Variants in PRXL2C observed in about 807,000 individuals in gnomAD.
The protein encoded by PRXL2C is peroxiredoxin like 2C.
Under a neutral mutation model 24.9 loss-of-function variants are expected in PRXL2C, and 38 were observed. The ratio of observed to expected loss-of-function variants is 1.53; its 90% CI spans 1.18 to 2.00. PRXL2C has a LOEUF of 2.00. Among genes scored for constraint, PRXL2C ranks in the 30% most tolerant of loss-of-function variants. The pLI, the probability that PRXL2C is intolerant of heterozygous loss-of-function variation, is 0.00. For synonymous variants in PRXL2C, 98 were observed against 117.2 expected (o/e 0.84, Z 1.06); for missense variants, 294 against 290.9 (o/e 1.01, Z -0.08).
At chr9:96,651,272 C>T in intron 4 of PRXL2C, 118 bp downstream of exon 4, 2 of 720,156 alleles carry the variant, frequency 2.8e-6, no homozygotes, top group Non-Finnish European at 4.6e-6. Context: ...AGTGAGACTC[C>T]ATCTCAAAAA....
At chr9:96,654,637 G>A (rs1390598402) in intron 2 of PRXL2C, 68 bp downstream of exon 2, 3 of 1,447,536 alleles carry the variant, frequency 2.1e-6, no homozygotes, top group Non-Finnish European at 2.8e-6. Context: ...CTGGAGCCGC[G>A]TCCTCCCCCG....
intron 2 of PRXL2C, among the ~76,000 whole-genome samples, chr9:96,653,863 C>T (rs1374192164): frequency 6.7e-6 from 1 of 150,004 alleles, no homozygotes; most frequent in Admixed American, 6.7e-5. Flanking sequence ...CTTTTTTAGA[C>T]GGAGTCTTAC....
chr9:96,654,680 G>A, intron 2 of PRXL2C, 25 bp downstream of exon 2: 1 of 1,551,950 alleles, frequency 6.4e-7, no homozygotes, highest in Non-Finnish European at 8.7e-7. Flanking sequence ...AGCGGGCACT[G>A]GGCCGCCCAC....
chr9:96,644,289 GGT>G (rs1446965326), intron 5 of PRXL2C, among the ~76,000 whole-genome samples: 1 of 151,978 alleles, frequency 6.6e-6, no homozygotes, highest in Non-Finnish European at 1.5e-5. Context: ...GTCTGATAAG[GGT>G]GTTTGTCCTT....
At position 96,651,487 on chromosome 9, in the gene PRXL2C, GC is replaced by G; in HGVS notation, c.323del (p.Cys108SerfsTer3). The G allele has an allele frequency of 6.2e-7, 1 of 1,608,546 alleles. No individual in the cohort carries two copies. The highest frequency in any genetic ancestry group is 8.5e-7 in the Non-Finnish European group (1 of 1,178,344). On this transcript the variant is annotated frameshift_variant, in exon 4 of 6. Transcript: ENST00000375234. LOFTEE classifies it high-confidence loss of function. ...TTTCATGAGAATATCCAGTCAGCTT[GC>G]AAAAAGGCTGAAAAGAGAGAATGGT... ...QSSYHHIEPF[C>X]KLTGYSHEIY...
chr9:96,647,794 C>T (rs979661141), intron 4 of PRXL2C, among the ~76,000 whole-genome samples: 2 of 152,096 alleles, frequency 1.3e-5, no homozygotes, highest in Non-Finnish European at 2.9e-5. Context: ...TCCCAAAGTG[C>T]TGGGATTACA....
At chr9:96,649,619 T>C (rs1315208714) in intron 4 of PRXL2C, among the ~76,000 whole-genome samples, 1 of 151,484 alleles carries the variant, frequency 6.6e-6, no homozygotes, top group Non-Finnish European at 1.5e-5. Context: ...TCAGCAACTC[T>C]GCCTCACAAA....
At chr9:96,654,299 T>C (rs764601517) in intron 2 of PRXL2C, among the ~76,000 whole-genome samples, 14 of 152,240 alleles carry the variant, frequency 9.2e-5, no homozygotes, top group Non-Finnish European at 1.6e-4. Flanking sequence ...TGGTTTGTCC[T>C]AGGGACATGG....
chr9:96,644,250 C>A (rs28628890), intron 5 of PRXL2C, among the ~76,000 whole-genome samples: 2,612 of 151,820 alleles, frequency 0.017, 62 homozygotes, highest in African/African-American at 0.059. Context: ...GATGGTCTTA[C>A]AACATAGTGA....
intron 5 of PRXL2C, among the ~76,000 whole-genome samples, chr9:96,642,723 T>C (rs1363555722): frequency 1.3e-5 from 2 of 151,988 alleles, no homozygotes; most frequent in East Asian, 3.9e-4. Context: ...TTTTTGTATT[T>C]TGAGTAGAGA....
intron 2 of PRXL2C, 96 bp downstream of exon 2, chr9:96,654,609 C>T: frequency 8.8e-7 from 1 of 1,141,230 alleles, no homozygotes; most frequent in Non-Finnish European, 1.3e-6. Flanking sequence ...AGGGGCAATC[C>T]AGGCTGCAAG....
intron 2 of PRXL2C, among the ~76,000 whole-genome samples, chr9:96,652,543 T>G: frequency 1.4e-5 from 2 of 139,462 alleles, no homozygotes; most frequent in African/African-American, 5.3e-5. Flanking sequence ...AAAAAAGAAA[T>G]AGCCAAGAGA....
Position 96,641,719 on chromosome 9 carries a change from T to C in PRXL2C, c.*40A>G, listed in dbSNP as rs1461660843. The C allele has an allele frequency of 6.6e-7, 1 of 1,521,826 alleles. No individual in the cohort carries two copies. The highest frequency in any genetic ancestry group is 1.8e-5 in the Admixed American group (1 of 56,680). The allele number at this position is 1,521,826 out of a possible 1,614,324, so 94.3% of individuals were successfully genotyped here. On this transcript the variant is annotated 3_prime_UTR_variant, in exon 6 of 6. Coordinates refer to ENST00000375234, the MANE Select transcript of PRXL2C (RefSeq NM_153698.2). ...TACACCCAGGCATTGAAGGTCACATTCCAGAAGGTCCAGTTGAAAGTGACT... is the reference window on the plus strand; with the variant it reads ...TACACCCAGGCATTGAAGGTCACATCCCAGAAGGTCCAGTTGAAAGTGACT...
intron 4 of PRXL2C, among the ~76,000 whole-genome samples, chr9:96,648,437 T>C (rs1266639176): frequency 1.3e-5 from 2 of 152,014 alleles, no homozygotes; most frequent in Admixed American, 6.6e-5. Context: ...TTTATTAAAA[T>C]AGGCACCATT....
chr9:96,654,973 G>A, intron 1 of PRXL2C, 117 bp downstream of exon 1: 1 of 1,285,286 alleles, frequency 7.8e-7, no homozygotes, highest in Non-Finnish European at 1.0e-6. Context: ...AAGCGGCCGC[G>A]ACTGGGCAGG....
chr9:96,646,948 G>A (rs1279001414), intron 4 of PRXL2C, among the ~76,000 whole-genome samples: 16 of 152,180 alleles, frequency 1.1e-4, no homozygotes, highest in South Asian at 2.1e-4. Flanking sequence ...GTGCCACCAC[G>A]CCCGGCTAGT....
At position 96,651,497 on chromosome 9, in the gene PRXL2C, T is replaced by C; in HGVS notation, c.316-2A>G. 6.2e-7 allele frequency: 1 copy of C among 1,606,782 alleles called. No individual in the cohort carries two copies. Among genetic ancestry groups the C allele is most frequent in the Non-Finnish European group, 8.5e-7 (1 of 1,177,476 alleles). ...ATATCCAGTCAGCTTGCAAAAAGGCTGAAAAGAGAGAATGGTTGGAATTTT... is the reference window on the plus strand; with the variant it reads ...ATATCCAGTCAGCTTGCAAAAAGGCCGAAAAGAGAGAATGGTTGGAATTTT... On this transcript the variant is annotated splice_acceptor_variant, in intron 3 of 5. Transcript: ENST00000375234. LOFTEE classifies it high-confidence loss of function.
intron 3 of PRXL2C, 33 bp from the exon 4 acceptor site, chr9:96,651,528 G>T: frequency 1.3e-6 from 2 of 1,580,002 alleles, no homozygotes; most frequent in East Asian, 2.2e-5. Flanking sequence ...ATTTTTACAA[G>T]AACAAATGAG....
intron 2 of PRXL2C, 45 bp downstream of exon 2, chr9:96,654,660 G>A (rs1848323682): frequency 1.3e-6 from 2 of 1,529,164 alleles, no homozygotes; most frequent in African/African-American, 1.4e-5. Flanking sequence ...CCGCTCGCAA[G>A]GTCTGCAGAA....
Sources: allele counts gnomAD v4.1 joint callset (sites outside exome capture counted in the v4.1 genomes callset), GRCh38; gene constraint gnomAD v4.1.1; transcripts MANE v1.5; gene names NCBI Gene and HGNC (gene_info 2026-07-23, HGNC 2026-07-21).